The following LRRC7 variants were observed in gnomAD, a reference collection of about 807,000 sequenced individuals.
LRRC7 encodes leucine-rich repeat-containing protein 7.
In LRRC7, 23 loss-of-function variants were observed where a neutral mutation model predicts 175.7. The observed-to-expected ratio is 0.13, with a 90% CI of 0.09 to 0.19. The LOEUF (loss-of-function observed/expected upper bound fraction) is 0.19. Among genes scored for constraint, LRRC7 ranks in the 10% least tolerant of loss-of-function variants. The pLI is 1.00. For synonymous variants in LRRC7, 685 were observed against 680.9 expected, an observed-to-expected ratio of 1.01 and a Z score of -0.09; for missense variants, 1,354 against 1,904.7, an observed-to-expected ratio of 0.71 and a Z score of 5.38.
intron 4 of LRRC7, among the ~76,000 whole-genome samples, chr1:69,814,853 C>T (rs1237247862): frequency 1.3e-5 from 2 of 152,138 alleles, no homozygotes; most frequent in Non-Finnish European, 2.9e-5. Flanking sequence ...TAAACTCCAT[C>T]GACTCAATAG....
intron 8 of LRRC7, among the ~76,000 whole-genome samples, chr1:69,972,926 A>ATATATATATTTATATATATATAAATAC (rs1652399758): frequency 6.8e-6 from 1 of 146,962 alleles, no homozygotes; most frequent in Non-Finnish European, 1.5e-5. Flanking sequence ...ATATTTTTTA[A>ATATATATATTTATATATATATAAATAC]TATATATATT....
At chr1:69,783,013 A>G (rs1049593414) in intron 3 of LRRC7, among the ~76,000 whole-genome samples, 2 of 152,214 alleles carry the variant, frequency 1.3e-5, no homozygotes, top group African/African-American at 4.8e-5. Flanking sequence ...TCAGACCCTT[A>G]CAGCCTTTTA....
chr1:70,140,291 C>G lies in LRRC7; in HGVS notation c.*18404C>G, dbSNP rs1444509834. 2.0e-5 allele frequency: 3 copies of G among 152,058 alleles called. No homozygotes were observed. The highest frequency in any genetic ancestry group is 4.4e-5 in the Non-Finnish European group (3 of 67,992). The allele number at this position is 152,058 out of a possible 1,614,324, so 9.4% of individuals were successfully genotyped here. ...GAGTGGAATTAGATTTTACAAAGTTCCCCTTATCCAAACTACAGCACGCTT... is the reference window on the plus strand; with the variant it reads ...GAGTGGAATTAGATTTTACAAAGTTGCCCTTATCCAAACTACAGCACGCTT... On this transcript the variant is annotated 3_prime_UTR_variant, in exon 27 of 27. Coordinates refer to ENST00000651989, the MANE Select transcript of LRRC7 (RefSeq NM_001370785.2).
At chr1:69,711,132 T>G (rs1180336666) in intron 2 of LRRC7, among the ~76,000 whole-genome samples, 1 of 152,204 alleles carries the variant, frequency 6.6e-6, no homozygotes, top group Non-Finnish European at 1.5e-5. Flanking sequence ...CTGAAGATAT[T>G]GGTGACCTTC....
intron 1 of LRRC7, among the ~76,000 whole-genome samples, chr1:69,605,366 G>T (rs142568141): frequency 6.7e-4 from 102 of 152,210 alleles, no homozygotes; most frequent in African/African-American, 2.2e-3. Context: ...TACCTAGTCT[G>T]GGGTATATCT....
intron 1 of LRRC7, among the ~76,000 whole-genome samples, chr1:69,635,758 A>G (rs1397741178): frequency 1.3e-5 from 2 of 152,038 alleles, no homozygotes; most frequent in South Asian, 2.1e-4. Context: ...ACCTAGCAAT[A>G]TACTCCAGTA....
chr1:69,723,222 GA>G (rs1666566391), intron 2 of LRRC7, among the ~76,000 whole-genome samples: 1 of 151,968 alleles, frequency 6.6e-6, no homozygotes, highest in Admixed American at 6.6e-5. Flanking sequence ...CTATGATTGT[GA>G]AAAAGTTCAC....
chr1:70,000,522 G>A (rs958585207), intron 11 of LRRC7, among the ~76,000 whole-genome samples: 3 of 152,130 alleles, frequency 2.0e-5, no homozygotes, highest in Non-Finnish European at 4.4e-5. Flanking sequence ...ATTAAGTGAC[G>A]CATGACTGTA....
intron 2 of LRRC7, among the ~76,000 whole-genome samples, chr1:69,700,462 A>G (rs1442111642): frequency 1.3e-5 from 2 of 152,178 alleles, no homozygotes; most frequent in Non-Finnish European, 2.9e-5. Flanking sequence ...ACACCCTGTA[A>G]TACTTATAGT....
At chr1:69,751,368 A>G (rs1461728186) in intron 2 of LRRC7, among the ~76,000 whole-genome samples, 14 of 152,054 alleles carry the variant, frequency 9.2e-5, no homozygotes, top group Admixed American at 9.2e-4. Flanking sequence ...TTTGTGCAGT[A>G]TTTTCATTGG....
chr1:69,591,400 G>T (rs1646629040), intron 1 of LRRC7, among the ~76,000 whole-genome samples: 1 of 152,034 alleles, frequency 6.6e-6, no homozygotes, highest in South Asian at 2.1e-4. Context: ...GAAGCTATTT[G>T]ACAGAACAGT....
intron 7 of LRRC7, among the ~76,000 whole-genome samples, chr1:69,848,733 C>T (rs969710256): frequency 2.0e-5 from 3 of 151,944 alleles, no homozygotes; most frequent in Admixed American, 1.3e-4. Context: ...GCTTTTCTGT[C>T]GAACAGATGC....
chr1:69,581,587 A>G (rs1306491753), intron 1 of LRRC7, among the ~76,000 whole-genome samples: 2 of 152,214 alleles, frequency 1.3e-5, no homozygotes, highest in Non-Finnish European at 2.9e-5. Flanking sequence ...AGGAAACTGA[A>G]TAACGCTGAC....
At chr1:69,811,403 A>G (rs1215171793) in intron 4 of LRRC7, among the ~76,000 whole-genome samples, 1 of 152,214 alleles carries the variant, frequency 6.6e-6, no homozygotes, top group African/African-American at 2.4e-5. Context: ...CATTTGACCC[A>G]GCAATCTCAT....
intron 2 of LRRC7, among the ~76,000 whole-genome samples, chr1:69,745,575 T>G (rs1669165644): frequency 6.6e-6 from 1 of 151,976 alleles, no homozygotes; most frequent in African/African-American, 2.4e-5. Flanking sequence ...AATAAATTAG[T>G]AGACATATCA....
chr1:69,628,898 G>C (rs979700766), intron 1 of LRRC7, among the ~76,000 whole-genome samples: 23 of 152,130 alleles, frequency 1.5e-4, no homozygotes, highest in African/African-American at 5.6e-4. Flanking sequence ...AAATGTGCTA[G>C]AACAACTGGA....
intron 3 of LRRC7, among the ~76,000 whole-genome samples, chr1:69,781,935 AGAAAGAGAAAAG>A (rs1262391415): frequency 3.6e-5 from 5 of 139,552 alleles, no homozygotes; most frequent in Non-Finnish European, 6.3e-5. Context: ...AAAGAAAGAA[AGAAAGAGAAAAG>A]AAAAGAAAGA....
chr1:69,910,469 G>A (rs1017366800), intron 7 of LRRC7, among the ~76,000 whole-genome samples: 5 of 152,162 alleles, frequency 3.3e-5, no homozygotes, highest in Non-Finnish European at 5.9e-5. Context: ...TGTTTGCCTG[G>A]GTATCAGCAG....
intron 2 of LRRC7, 95 bp from the exon 3 acceptor site, chr1:69,760,096 C>A: frequency 7.7e-7 from 1 of 1,306,082 alleles, no homozygotes. Context: ...GACTGTATAC[C>A]AAAATTAAAT....
Sources: gnomAD v4.1 joint callset for allele counts (sites outside exome capture counted in the v4.1 genomes callset) on GRCh38, gnomAD v4.1.1 for gene constraint, MANE v1.5 for transcripts, NCBI Gene and HGNC (gene_info 2026-07-23, HGNC 2026-07-21) for gene names.